The following HPSE2 variants were observed in gnomAD, a reference collection of about 807,000 sequenced individuals.
HPSE2 encodes inactive heparanase-2.
Under a neutral mutation model 60.5 loss-of-function variants are expected in HPSE2, and 38 were observed. That is an observed-to-expected ratio of 0.63 (90% CI 0.48 to 0.82). HPSE2 has a LOEUF of 0.82. HPSE2 is among the 40% of genes least tolerant of loss of function. The pLI, the probability that HPSE2 is intolerant of heterozygous loss-of-function variation, is 0.00. For synonymous variants in HPSE2, 295 were observed against 293.2 expected, an observed-to-expected ratio of 1.01 and a Z score of -0.06; for missense variants, 713 against 740.4, an observed-to-expected ratio of 0.96 and a Z score of 0.43.
At chr10:98,986,279 T>G (rs549364364) in intron 3 of HPSE2, among the ~76,000 whole-genome samples, 1 of 151,474 alleles carries the variant, frequency 6.6e-6, no homozygotes, top group Non-Finnish European at 1.5e-5. Flanking sequence ...GAACAGAAAT[T>G]ATAACAAACT....
intron 9 of HPSE2, among the ~76,000 whole-genome samples, chr10:98,566,884 T>C (rs1944361990): frequency 6.6e-6 from 1 of 152,242 alleles, no homozygotes; most frequent in Admixed American, 6.5e-5. Context: ...GTGAGAATTA[T>C]AGAAGGTCAA....
At chr10:98,521,995 C>T (rs1355353534) in intron 9 of HPSE2, among the ~76,000 whole-genome samples, 2 of 151,574 alleles carry the variant, frequency 1.3e-5, no homozygotes, top group African/African-American at 4.9e-5. Flanking sequence ...GGGTGTGGGG[C>T]TGGGGGAGGG....
chr10:99,219,510 C>G (rs1849240638), intron 2 of HPSE2, among the ~76,000 whole-genome samples: 1 of 152,142 alleles, frequency 6.6e-6, no homozygotes, highest in African/African-American at 2.4e-5. Context: ...CCAACCACCC[C>G]CAAAACACAA....
intron 3 of HPSE2, among the ~76,000 whole-genome samples, chr10:98,921,221 G>T (rs554444930): frequency 1.3e-5 from 2 of 152,320 alleles, no homozygotes; most frequent in South Asian, 2.1e-4. Flanking sequence ...ATTTAGCACA[G>T]TTTCTGGCAC....
chr10:98,993,969 C>T (rs539991240), intron 3 of HPSE2, among the ~76,000 whole-genome samples: 5 of 152,298 alleles, frequency 3.3e-5, no homozygotes, highest in South Asian at 2.1e-4. Flanking sequence ...TGATGACATC[C>T]AGAACAGTAT....
intron 3 of HPSE2, among the ~76,000 whole-genome samples, chr10:99,103,652 C>A (rs1250620027): frequency 6.6e-6 from 1 of 152,128 alleles, no homozygotes; most frequent in African/African-American, 2.4e-5. Context: ...TCATATGGAA[C>A]CAAAAGAGAG....
the HPSE2 span, among the ~76,000 whole-genome samples, chr10:99,252,259 G>A: frequency 6.6e-6 from 1 of 152,072 alleles, no homozygotes; most frequent in Middle Eastern, 3.2e-3. Context: ...ACTGGAACAA[G>A]ATAAGGATGC....
At chr10:99,051,805 T>C (rs999127719) in intron 3 of HPSE2, among the ~76,000 whole-genome samples, 2 of 152,108 alleles carry the variant, frequency 1.3e-5, no homozygotes, top group African/African-American at 4.8e-5. Context: ...AGTAATGCCA[T>C]AGGAGTAAAG....
At chr10:98,584,633 C>A (rs1444618562) in intron 9 of HPSE2, among the ~76,000 whole-genome samples, 1 of 152,176 alleles carries the variant, frequency 6.6e-6, no homozygotes, top group African/African-American at 2.4e-5. Flanking sequence ...ATATCATAAT[C>A]CTTAGCTAAT....
rs532082370 is a variant in HPSE2 at position 99,114,836 on chromosome 10, C to A, written c.610+29402G>T. The stretch of plus-strand genomic sequence containing the variant: ...GGCTGAGGCAGGAGAATGGCGTGAA[C>A]CCGGGAGGCAGAGCTTGCAGTGAGC... On this transcript the variant is annotated intron_variant, in intron 3 of 11. Transcript: ENST00000370552. Among the ~76,000 whole-genome samples the A allele has an allele frequency of 1.6e-3, 236 of 150,628 alleles. 3 individuals carry two copies. The highest frequency in any genetic ancestry group is 0.011 in the South Asian group (50 of 4,716).
chr10:99,268,571 G>T, the HPSE2 span, among the ~76,000 whole-genome samples: 1 of 151,254 alleles, frequency 6.6e-6, no homozygotes, highest in Non-Finnish European at 1.5e-5. Flanking sequence ...ACTTGAACCT[G>T]GGAGACAGAG....
rs113385957 is a variant in HPSE2 at position 98,945,893 on chromosome 10, G to C, written c.610+198345C>G. 2.4e-3 allele frequency among the ~76,000 whole-genome samples: 369 copies of C among 152,166 alleles called. 2 individuals are homozygous for C. The highest frequency in any genetic ancestry group is 4.2e-3 in the Non-Finnish European group (285 of 68,006). On this transcript the variant is annotated intron_variant, in intron 3 of 11. Coordinates refer to ENST00000370552, the MANE Select transcript of HPSE2 (RefSeq NM_021828.5). The stretch of plus-strand genomic sequence containing the variant: ...GTTCCCATTCCTCAAAATTAGCTGG[G>C]ATGAAGACAGAGCACAGATTATATA...
chr10:98,682,614 C>T (rs896506260), intron 6 of HPSE2, among the ~76,000 whole-genome samples: 28 of 152,106 alleles, frequency 1.8e-4, no homozygotes, highest in Non-Finnish European at 7.4e-5. Context: ...TATCATACTA[C>T]ATATCATTAG....
intron 3 of HPSE2, among the ~76,000 whole-genome samples, chr10:99,140,981 G>C (rs948431820): frequency 1.3e-5 from 2 of 152,180 alleles, no homozygotes; most frequent in African/African-American, 4.8e-5. Context: ...AGCTTGCAGT[G>C]AGCCGAGATT....
At chr10:99,151,201 T>A (rs559851614) in intron 2 of HPSE2, among the ~76,000 whole-genome samples, 3 of 150,894 alleles carry the variant, frequency 2.0e-5, no homozygotes, top group African/African-American at 7.3e-5. Flanking sequence ...GGCTATAACC[T>A]ATCTAAAATG....
the HPSE2 span, among the ~76,000 whole-genome samples, chr10:99,258,902 T>C: frequency 6.6e-6 from 1 of 152,172 alleles, no homozygotes; most frequent in Admixed American, 6.5e-5. Context: ...CCTAAAACTA[T>C]AGAGCTTTTT....
chr10:99,041,286 T>A (rs988074925), intron 3 of HPSE2, among the ~76,000 whole-genome samples: 1 of 151,800 alleles, frequency 6.6e-6, no homozygotes, highest in African/African-American at 2.4e-5. Flanking sequence ...TTGAGATTCA[T>A]AAAGGATGCA....
intron 3 of HPSE2, among the ~76,000 whole-genome samples, chr10:99,088,637 C>T (rs1234092201): frequency 6.6e-6 from 1 of 152,168 alleles, no homozygotes; most frequent in Non-Finnish European, 1.5e-5. Context: ...CACATTTTTG[C>T]AACTGTGAAT....
chr10:98,766,181 A>G (rs1198229909), intron 3 of HPSE2, among the ~76,000 whole-genome samples: 1 of 152,170 alleles, frequency 6.6e-6, no homozygotes, highest in East Asian at 1.9e-4. Flanking sequence ...AACGTCCATA[A>G]AACAGAACAA....
Sources: gnomAD v4.1 joint callset for allele counts (sites outside exome capture counted in the v4.1 genomes callset) on GRCh38, gnomAD v4.1.1 for gene constraint, MANE v1.5 for transcripts, NCBI Gene and HGNC (gene_info 2026-07-23, HGNC 2026-07-21) for gene names.